Variants in LPP observed in about 807,000 individuals in gnomAD.
The protein encoded by LPP is LIM domain containing preferred translocation partner in lipoma.
Under a neutral mutation model 60.4 loss-of-function variants are expected in LPP, and 38 were observed. The ratio of observed to expected loss-of-function variants is 0.63; its 90% CI spans 0.49 to 0.83. The LOEUF is 0.83. Ranked by LOEUF, LPP falls within the 40% of genes least tolerant of loss-of-function variation. The pLI, the probability that LPP is intolerant of heterozygous loss-of-function variation, is 0.00. For synonymous variants in LPP, 328 were observed against 290.8 expected, an observed-to-expected ratio of 1.13 and a Z score of -1.30; for missense variants, 902 against 783.6, an observed-to-expected ratio of 1.15 and a Z score of -1.80.
chr3:188,869,269 C>T lies in LPP; in HGVS notation c.1589+2891C>T, dbSNP rs566972936. 7.2e-5 allele frequency among the ~76,000 whole-genome samples: 11 copies of T among 152,120 alleles called. No homozygotes were observed. In the South Asian group the frequency reaches 1.2e-3, roughly 17 times the overall value. On this transcript the variant is annotated intron_variant, in intron 10 of 11. Transcript: ENST00000617246. ...GATTTACCTCACCTGCTTAGCCTGC[C>T]TTTTATTTATTTATTTGTTTATTTT...
intron 8 of LPP, among the ~76,000 whole-genome samples, chr3:188,744,079 C>T (rs569787919): frequency 6.6e-6 from 1 of 152,236 alleles, no homozygotes; most frequent in East Asian, 1.9e-4. Context: ...GCTAAAGCTC[C>T]TTATAACCAT....
At chr3:188,763,315 A>G (rs1012658077) in intron 9 of LPP, among the ~76,000 whole-genome samples, 3 of 151,644 alleles carry the variant, frequency 2.0e-5, no homozygotes, top group Non-Finnish European at 2.9e-5. Flanking sequence ...ATTTTTGTAT[A>G]AGGACCAGCA....
At chr3:188,450,518 G>T (rs1796332732) in intron 4 of LPP, among the ~76,000 whole-genome samples, 1 of 152,162 alleles carries the variant, frequency 6.6e-6, no homozygotes, top group African/African-American at 2.4e-5. Flanking sequence ...GCCGAGGCAG[G>T]TGGATCATCT....
At chr3:188,760,406 T>TGG (rs377293885) in intron 9 of LPP, 124 bp downstream of exon 9, 237 of 623,800 alleles carry the variant, frequency 3.8e-4, no homozygotes, top group Non-Finnish European at 3.4e-4. Context: ...AATGTGTGTG[T>TGG]GGGGTGTGTG....
chr3:188,305,137 T>C (rs1265248300), intron 2 of LPP, among the ~76,000 whole-genome samples: 4 of 152,212 alleles, frequency 2.6e-5, no homozygotes, highest in Non-Finnish European at 5.9e-5. Context: ...TGATAAGTTC[T>C]TTGAAGTCAA....
intron 9 of LPP, among the ~76,000 whole-genome samples, chr3:188,766,244 CT>C (rs774262979): frequency 6.6e-6 from 1 of 151,908 alleles, no homozygotes; most frequent in Non-Finnish European, 1.5e-5. Context: ...TAATTATAGC[CT>C]TTTCCCAGAA....
intron 3 of LPP, among the ~76,000 whole-genome samples, chr3:188,376,491 G>A (rs1775135903): frequency 6.6e-6 from 1 of 152,050 alleles, no homozygotes; most frequent in Non-Finnish European, 1.5e-5. Context: ...ATCGTTGTTG[G>A]TTTAAAGTCT....
chr3:188,688,795 A>G, intron 7 of LPP: 1 of 531,876 alleles, frequency 1.9e-6, no homozygotes, highest in Non-Finnish European at 3.9e-6. Context: ...CTTGCCCTCA[A>G]GGAGCTCACA....
intron 2 of LPP, among the ~76,000 whole-genome samples, chr3:188,337,691 G>A (rs1762033087): frequency 6.6e-6 from 1 of 152,012 alleles, no homozygotes; most frequent in South Asian, 2.1e-4. Context: ...ATAGCAATGG[G>A]GTTTCCCTAT....
intron 4 of LPP, among the ~76,000 whole-genome samples, chr3:188,441,942 C>T (rs574544144): frequency 2.0e-5 from 3 of 151,986 alleles, no homozygotes; most frequent in Non-Finnish European, 4.4e-5. Context: ...ATTACAGTTT[C>T]TAATTGCGTA....
chr3:188,575,736 G>A (rs911245917), intron 6 of LPP, among the ~76,000 whole-genome samples: 4 of 152,080 alleles, frequency 2.6e-5, no homozygotes, highest in African/African-American at 7.2e-5. Flanking sequence ...TAGCACCACC[G>A]CTTTTTTTAA....
intron 2 of LPP, among the ~76,000 whole-genome samples, chr3:188,236,133 G>T (rs1721839072): frequency 6.6e-6 from 1 of 152,090 alleles, no homozygotes; most frequent in Non-Finnish European, 1.5e-5. Flanking sequence ...TTTACATTGT[G>T]ATCTATTAGG....
chr3:188,644,110 C>T (rs1454480430), intron 7 of LPP, among the ~76,000 whole-genome samples: 2 of 152,120 alleles, frequency 1.3e-5, no homozygotes, highest in East Asian at 3.9e-4. Context: ...GAGGTAAGAT[C>T]GCTTATTCTG....
intron 2 of LPP, among the ~76,000 whole-genome samples, chr3:188,311,565 T>C (rs981448488): frequency 1.3e-5 from 2 of 152,152 alleles, no homozygotes; most frequent in Non-Finnish European, 2.9e-5. Flanking sequence ...AGTTGGAACA[T>C]TGCAGGCTAT....
At chr3:188,576,357 G>T (rs1834615048) in intron 6 of LPP, among the ~76,000 whole-genome samples, 1 of 152,160 alleles carries the variant, frequency 6.6e-6, no homozygotes, top group African/African-American at 2.4e-5. Context: ...TCTCTGAGAT[G>T]GTAAACGGTA....
At chr3:188,489,615 C>A (rs1359087458) in intron 5 of LPP, among the ~76,000 whole-genome samples, 1 of 151,984 alleles carries the variant, frequency 6.6e-6, no homozygotes, top group Admixed American at 6.6e-5. Flanking sequence ...GGGTGATATC[C>A]CCAGAACTGT....
At chr3:188,437,276 G>T (rs1351646706) in intron 4 of LPP, among the ~76,000 whole-genome samples, 1 of 152,156 alleles carries the variant, frequency 6.6e-6, no homozygotes, top group Non-Finnish European at 1.5e-5. Context: ...TCCAAAGTAC[G>T]TGCATTTGAA....
chr3:188,615,658 A>G (rs192751821), intron 7 of LPP, among the ~76,000 whole-genome samples: 23 of 152,328 alleles, frequency 1.5e-4, no homozygotes, highest in Non-Finnish European at 2.5e-4. Context: ...GACATTGTAC[A>G]GCTCAGGTGC....
At chr3:188,250,272 T>G (rs1728668114) in intron 2 of LPP, among the ~76,000 whole-genome samples, 1 of 152,208 alleles carries the variant, frequency 6.6e-6, no homozygotes, top group Non-Finnish European at 1.5e-5. Flanking sequence ...CCTTTACAAT[T>G]ATAGTATTCC....
Sources: allele counts gnomAD v4.1 joint callset (sites outside exome capture counted in the v4.1 genomes callset), GRCh38; gene constraint gnomAD v4.1.1; transcripts MANE v1.5; gene names NCBI Gene and HGNC (gene_info 2026-07-23, HGNC 2026-07-21).